The following TAF12 variants were observed in gnomAD, a reference collection of about 807,000 sequenced individuals.
The protein encoded by TAF12 is transcription initiation factor TFIID subunit 12.
In TAF12, 3 loss-of-function variants were observed where a neutral mutation model predicts 20.8. The ratio of observed to expected loss-of-function variants is 0.14; its 90% CI spans 0.07 to 0.37. TAF12 has a LOEUF of 0.37. Among genes scored for constraint, TAF12 ranks in the 10% least tolerant of loss-of-function variants. The pLI is 1.00. For synonymous variants in TAF12, 69 were observed against 70.2 expected, an observed-to-expected ratio of 0.98 and a Z score of 0.09; for missense variants, 131 against 197.9, an observed-to-expected ratio of 0.66 and a Z score of 2.03.
chr1:28,624,599 T>C (rs1345917149), intron 1 of TAF12, among the ~76,000 whole-genome samples: 1 of 151,686 alleles, frequency 6.6e-6, no homozygotes, highest in Non-Finnish European at 1.5e-5. Context: ...ATACAAAAAC[T>C]AGCCAGGCAT....
chr1:28,603,365 G>A lies in TAF12; in HGVS notation c.*174C>T. 1 of 625,616 alleles carries A rather than the reference G, an allele frequency of 1.6e-6. No individual in the cohort carries two copies. The highest frequency in any genetic ancestry group is 2.7e-6 in the Non-Finnish European group (1 of 365,326). 38.8% of individuals were successfully genotyped at this position (625,616 alleles called of 1,614,324 possible). Reference sequence around the variant, plus strand: ...AAGGGACCGGAAGTTGGGGTAGGAGGCTTTATTCTTTTGGCAGATCCTCTC... The same window carrying A: ...AAGGGACCGGAAGTTGGGGTAGGAGACTTTATTCTTTTGGCAGATCCTCTC... On this transcript the variant is annotated 3_prime_UTR_variant, in exon 6 of 6. Transcript: ENST00000373824.
At chr1:28,648,258 T>C (rs576588243) in exon 1 of TAF12, 2 of 985,288 alleles carry the variant, frequency 2.0e-6, no homozygotes, top group East Asian at 1.1e-4. Flanking sequence ...TCGTGAGCAG[T>C]TGACAAGAAA....
At chr1:28,614,952 T>TA (rs1666981109) in intron 3 of TAF12, among the ~76,000 whole-genome samples, 1 of 151,420 alleles carries the variant, frequency 6.6e-6, no homozygotes, top group South Asian at 2.1e-4. Flanking sequence ...CTACAAAACA[T>TA]ACAGAAATTA....
chr1:28,645,066 C>T (rs1287490954), upstream of TAF12, among the ~76,000 whole-genome samples: 2 of 151,352 alleles, frequency 1.3e-5, no homozygotes, highest in African/African-American at 4.8e-5. Context: ...GACGGAGTCT[C>T]GCTGTTTCAC....
chr1:28,618,094 T>G, intron 2 of TAF12, 64 bp from the exon 3 acceptor site: 3 of 1,443,722 alleles, frequency 2.1e-6, no homozygotes, highest in Non-Finnish European at 2.9e-6. Context: ...ATCATTACCC[T>G]GTAATGAAGA....
rs958456473 is a variant in TAF12 at position 28,605,260 on chromosome 1, T to C, written c.450+112A>G. Reference sequence around the variant, plus strand: ...CTGACCCTTGCTCCAGAGAGTGAAGTTTGCTGTGTGGAGGAAGCGAGGCCC... The same window carrying C: ...CTGACCCTTGCTCCAGAGAGTGAAGCTTGCTGTGTGGAGGAAGCGAGGCCC... On this transcript the variant is annotated intron_variant, in intron 5 of 5. Coordinates refer to ENST00000373824, the MANE Select transcript of TAF12 (RefSeq NM_005644.4). 20 of 1,075,876 alleles carry C rather than the reference T, an allele frequency of 1.9e-5. No individual in the cohort carries two copies. The African/African-American group carries it at 3.1e-4, about 17-fold the overall frequency. The allele number at this position is 1,075,876 out of a possible 1,614,324, so 66.6% of individuals were successfully genotyped here. A position where few individuals can be genotyped will look rare whatever the true frequency, so the allele number is the denominator to read the frequency against.
chr1:28,604,711 T>C (rs1461172659), intron 5 of TAF12, among the ~76,000 whole-genome samples: 1 of 152,152 alleles, frequency 6.6e-6, no homozygotes, highest in Non-Finnish European at 1.5e-5. Flanking sequence ...TGCCCAGTTG[T>C]GCCTGCTAAG....
intron 4 of TAF12, among the ~76,000 whole-genome samples, chr1:28,609,762 C>T (rs1666790248): frequency 6.6e-6 from 1 of 152,138 alleles, no homozygotes. Context: ...GCTGGGATTA[C>T]AGGCGTGAGC....
At chr1:28,624,631 C>T (rs1479191367) in intron 1 of TAF12, among the ~76,000 whole-genome samples, 1 of 152,032 alleles carries the variant, frequency 6.6e-6, no homozygotes, top group African/African-American at 2.4e-5. Context: ...CCTGTAATCC[C>T]AGCTACTTGG....
At position 28,633,468 on chromosome 1, in the gene TAF12, G is replaced by A. The variant is rs927029777; in HGVS notation, c.-85+9524C>T. ...CAGGCATGAGACACTGTATCCAACC[G>A]AAAATAAATTTTAAAAAGTAAAACA... On this transcript the variant is annotated intron_variant, in intron 1 of 5. Transcript: ENST00000373824. Among the ~76,000 whole-genome samples the A allele has an allele frequency of 2.7e-5, 4 of 147,128 alleles. No homozygotes were observed. In the East Asian group the frequency reaches 6.7e-4, roughly 25 times the overall value.
At chr1:28,605,217 T>C in intron 5 of TAF12, 155 bp downstream of exon 5, 4 of 674,628 alleles carry the variant, frequency 5.9e-6, no homozygotes, top group Non-Finnish European at 7.7e-6. Context: ...CGGAGACCGC[T>C]GCTGCCTCTT....
intron 4 of TAF12, among the ~76,000 whole-genome samples, chr1:28,612,909 T>C (rs1666914975): frequency 6.6e-6 from 1 of 152,196 alleles, no homozygotes; most frequent in Non-Finnish European, 1.5e-5. Flanking sequence ...CCAGTCACTT[T>C]ACAGACATGG....
At chr1:28,642,875 T>A (rs1440479543) in intron 1 of TAF12, 117 bp downstream of exon 1, 1 of 986,080 alleles carries the variant, frequency 1.0e-6, no homozygotes, top group Middle Eastern at 5.2e-4. Context: ...AGAGCCTGAA[T>A]CCTCACAGCC....
At chr1:28,629,329 C>G (rs1570325820) in intron 1 of TAF12, among the ~76,000 whole-genome samples, 1 of 151,938 alleles carries the variant, frequency 6.6e-6, no homozygotes, top group East Asian at 1.9e-4. Flanking sequence ...TCATACTCAC[C>G]CTTTTCTTCC....
chr1:28,606,797 C>A (rs1666683153), intron 4 of TAF12, among the ~76,000 whole-genome samples: 1 of 152,224 alleles, frequency 6.6e-6, no homozygotes, highest in African/African-American at 2.4e-5. Context: ...AAGCTGAGGT[C>A]TGCTGCTTCA....
At chr1:28,622,630 T>TGTA (rs1423117702) in intron 1 of TAF12, among the ~76,000 whole-genome samples, 1 of 152,160 alleles carries the variant, frequency 6.6e-6, no homozygotes, top group Non-Finnish European at 1.5e-5. Flanking sequence ...AGCTCATGTC[T>TGTA]GTAATCCCAG....
intron 1 of TAF12, among the ~76,000 whole-genome samples, chr1:28,638,444 C>A (rs1474727069): frequency 6.6e-6 from 1 of 150,954 alleles, no homozygotes; most frequent in Non-Finnish European, 1.5e-5. Context: ...CCACCTCGGC[C>A]TCCCAAAGTG....
intron 5 of TAF12, among the ~76,000 whole-genome samples, chr1:28,604,803 A>G (rs1163331850): frequency 6.6e-6 from 1 of 152,212 alleles, no homozygotes; most frequent in Non-Finnish European, 1.5e-5. Flanking sequence ...GAGGGAGGCC[A>G]ACACTGCTGT....
At chr1:28,619,360 T>C (rs1240685978) in intron 2 of TAF12, among the ~76,000 whole-genome samples, 1 of 149,008 alleles carries the variant, frequency 6.7e-6, no homozygotes, top group Admixed American at 6.7e-5. Flanking sequence ...TAGCCAGGCG[T>C]GGTGGCGGGC....
Sources: gnomAD v4.1 joint callset for allele counts (sites outside exome capture counted in the v4.1 genomes callset) on GRCh38, gnomAD v4.1.1 for gene constraint, MANE v1.5 for transcripts, NCBI Gene and HGNC (gene_info 2026-07-23, HGNC 2026-07-21) for gene names.